ANO4: variants seen among roughly 807,000 people sequenced by gnomAD.
The protein encoded by ANO4 is anoctamin 4, also known as anoctamin-4.
Under a neutral mutation model 141.9 loss-of-function variants are expected in ANO4, and 69 were observed. The ratio of observed to expected loss-of-function variants is 0.49; its 90% CI spans 0.40 to 0.59. The LOEUF (loss-of-function observed/expected upper bound fraction) is 0.59. Ranked by LOEUF, ANO4 falls within the 20% of genes least tolerant of loss-of-function variation. The probability of loss-of-function intolerance (pLI) is 0.00; values close to 1 mark genes in which losing one functional copy is unlikely to be tolerated. For missense variants in ANO4, 894 were observed against 1,162.2 expected (o/e 0.77, Z 3.36); for synonymous variants, 350 against 394.3 (o/e 0.89, Z 1.33).
chr12:101,073,228 C>CATACTATGCAGCCATAAAAA (rs529908262), intron 14 of ANO4, among the ~76,000 whole-genome samples: 1,564 of 152,152 alleles, frequency 0.01, 42 homozygotes, highest in African/African-American at 0.036. Flanking sequence ...TACACCATGG[C>CATACTATGCAGCCATAAAAA]ATACTATGCA....
chr12:100,973,847 T>C (rs2044036660), intron 6 of ANO4, among the ~76,000 whole-genome samples: 1 of 152,214 alleles, frequency 6.6e-6, no homozygotes, highest in Non-Finnish European at 1.5e-5. Flanking sequence ...CTCCTGTGTT[T>C]CATCACCTTC....
intron 26 of ANO4, among the ~76,000 whole-genome samples, chr12:101,124,710 C>A (rs2051235687): frequency 6.6e-6 from 1 of 152,120 alleles, no homozygotes; most frequent in Non-Finnish European, 1.5e-5. Context: ...CTCCCAAAAC[C>A]ATTTATTAAG....
intron 5 of ANO4, among the ~76,000 whole-genome samples, chr12:100,945,221 A>G (rs2042676348): frequency 6.6e-6 from 1 of 152,228 alleles, no homozygotes; most frequent in South Asian, 2.1e-4. Flanking sequence ...TTTCTAGTTC[A>G]GTTTAACATC....
At chr12:100,897,250 C>T (rs908715031) in intron 1 of ANO4, among the ~76,000 whole-genome samples, 2 of 152,176 alleles carry the variant, frequency 1.3e-5, no homozygotes, top group African/African-American at 4.8e-5. Flanking sequence ...TTTATATCAC[C>T]TGGACCCCAT....
At chr12:101,022,897 G>C (rs2046589156) in intron 9 of ANO4, among the ~76,000 whole-genome samples, 1 of 152,126 alleles carries the variant, frequency 6.6e-6, no homozygotes, top group African/African-American at 2.4e-5. Flanking sequence ...CCGCCACCAT[G>C]CCCGGCTAAT....
intron 9 of ANO4, among the ~76,000 whole-genome samples, chr12:101,027,588 TG>T (rs2046796804): frequency 3.3e-5 from 5 of 152,212 alleles, no homozygotes; most frequent in Admixed American, 1.3e-4. Context: ...ACACTGGCTG[TG>T]GCAGACTGCA....
chr12:101,022,387 A>G (rs1020223229), intron 9 of ANO4, among the ~76,000 whole-genome samples: 6 of 152,256 alleles, frequency 3.9e-5, no homozygotes, highest in Non-Finnish European at 8.8e-5. Context: ...TTAGTCATAT[A>G]CAACTCTTCT....
chr12:101,019,961 C>T, intron 8 of ANO4, 73 bp from the exon 9 acceptor site: 5 of 1,299,804 alleles, frequency 3.8e-6, no homozygotes, highest in Non-Finnish European at 5.5e-6. Context: ...CTGAGCAACA[C>T]CAAATTATAA....
At chr12:100,823,779 T>C (rs2036183345) in intron 1 of ANO4, among the ~76,000 whole-genome samples, 2 of 152,192 alleles carry the variant, frequency 1.3e-5, no homozygotes, top group South Asian at 4.1e-4. Flanking sequence ...TCTTGTAGTT[T>C]GTGGTGACTC....
intron 2 of ANO4, among the ~76,000 whole-genome samples, chr12:100,904,238 C>T (rs1565992305): frequency 6.6e-6 from 1 of 152,048 alleles, no homozygotes; most frequent in Non-Finnish European, 1.5e-5. Flanking sequence ...CATCAGTAAA[C>T]AAAGCAGACA....
chr12:100,999,778 C>T (rs2045554308), intron 8 of ANO4, among the ~76,000 whole-genome samples: 1 of 151,978 alleles, frequency 6.6e-6, no homozygotes, highest in Non-Finnish European at 1.5e-5. Flanking sequence ...GGCGCGATGG[C>T]TCACACCTGT....
intron 2 of ANO4, among the ~76,000 whole-genome samples, chr12:100,911,561 G>T (rs2136066089): frequency 6.6e-6 from 1 of 152,210 alleles, no homozygotes; most frequent in South Asian, 2.1e-4. Context: ...GGTCTACTAT[G>T]CTCTGGACTT....
At chr12:100,831,349 C>T (rs577752993) in intron 1 of ANO4, among the ~76,000 whole-genome samples, 1 of 152,244 alleles carries the variant, frequency 6.6e-6, no homozygotes, top group East Asian at 1.9e-4. Context: ...CATCAGTTTT[C>T]CTATAGACAT....
chr12:100,954,357 C>G (rs1323817333), intron 5 of ANO4, among the ~76,000 whole-genome samples: 2 of 152,150 alleles, frequency 1.3e-5, no homozygotes, highest in African/African-American at 4.8e-5. Context: ...CTCACTAATG[C>G]CCTTCTGCAG....
chr12:100,853,739 G>A (rs894818004), intron 1 of ANO4, among the ~76,000 whole-genome samples: 7 of 152,046 alleles, frequency 4.6e-5, no homozygotes, highest in African/African-American at 1.7e-4. Context: ...ATGCATAAAT[G>A]TTTTACGTGT....
intron 9 of ANO4, among the ~76,000 whole-genome samples, chr12:101,034,242 T>A (rs1206690125): frequency 1.3e-5 from 2 of 152,200 alleles, no homozygotes; most frequent in African/African-American, 4.8e-5. Flanking sequence ...CCTACTCAAA[T>A]GCCCATCAAT....
At chr12:101,077,909 A>G (rs2049087572) in intron 14 of ANO4, among the ~76,000 whole-genome samples, 1 of 152,112 alleles carries the variant, frequency 6.6e-6, no homozygotes. Context: ...CTTATCCGGA[A>G]ATTAAGGCTT....
chr12:100,984,718 GCTTCCTTTTA>G (rs1004764113), intron 7 of ANO4, among the ~76,000 whole-genome samples: 1 of 152,150 alleles, frequency 6.6e-6, no homozygotes, highest in African/African-American at 2.4e-5. Context: ...ACAAATCTCA[GCTTCCTTTTA>G]CCATGCCAAG....
At chr12:100,911,020 C>T (rs1040741494) in intron 2 of ANO4, among the ~76,000 whole-genome samples, 6 of 151,998 alleles carry the variant, frequency 3.9e-5, no homozygotes, top group Admixed American at 2.6e-4. Context: ...TTTCTTGTTT[C>T]CAAACAGCTA....
Sources: allele counts gnomAD v4.1 joint callset (sites outside exome capture counted in the v4.1 genomes callset), GRCh38; gene constraint gnomAD v4.1.1; transcripts MANE v1.5; gene names NCBI Gene and HGNC (gene_info 2026-07-23, HGNC 2026-07-21).